Variants in IL7R observed in about 807,000 individuals in gnomAD.
IL7R encodes interleukin 7 receptor.
IL7R carries 38 observed loss-of-function variants against 47.0 expected under a neutral mutation model. The ratio of observed to expected loss-of-function variants is 0.81; its 90% CI spans 0.62 to 1.06. IL7R has a LOEUF of 1.06. Ranked by LOEUF, IL7R falls within the 50% of genes least tolerant of loss-of-function variation. The probability of loss-of-function intolerance (pLI) is 0.00; values close to 1 mark genes in which losing one functional copy is unlikely to be tolerated. For missense variants in IL7R, 633 were observed against 534.8 expected (o/e 1.18, Z -1.81); for synonymous variants, 221 against 199.8 (o/e 1.11, Z -0.89).
intron 4 of IL7R, among the ~76,000 whole-genome samples, chr5:35,872,676 C>A (rs1230217511): frequency 6.6e-6 from 1 of 151,842 alleles, no homozygotes; most frequent in Non-Finnish European, 1.5e-5. Flanking sequence ...AGCATCAAAG[C>A]TGTAGAAGAA....
At position 35,878,867 on chromosome 5, in the gene IL7R, T is replaced by C. The variant is rs983219321; in HGVS notation, c.*2381T>C. ...GACCATAGAAAAACATCGAGATATC[T>C]CCAGCTCTAAAATCCTTTGTTTCAA... On this transcript the variant is annotated 3_prime_UTR_variant, in exon 8 of 8. Transcript: ENST00000303115. 1 of 232,928 alleles carries C rather than the reference T, an allele frequency of 4.3e-6. No homozygotes were observed. Among genetic ancestry groups the C allele is most frequent in the African/African-American group, 2.2e-5 (1 of 45,332 alleles). 14.4% of individuals were successfully genotyped at this position (232,928 alleles called of 1,614,324 possible).
intron 2 of IL7R, among the ~76,000 whole-genome samples, chr5:35,863,405 G>A (rs1045479038): frequency 6.6e-6 from 1 of 152,066 alleles, no homozygotes; most frequent in Non-Finnish European, 1.5e-5. Context: ...CAGACAAACA[G>A]GTTCCTCTTT....
Position 35,877,404 on chromosome 5 carries a change from T to C in IL7R, c.*918T>C. The stretch of plus-strand genomic sequence containing the variant: ...AGAAAAAGCCATGAAGCCCATTTGG[T>C]TTCATTTTTCTGAAAATAGGCTCAA... On this transcript the variant is annotated 3_prime_UTR_variant, in exon 8 of 8. Coordinates refer to ENST00000303115, the MANE Select transcript of IL7R (RefSeq NM_002185.5). The C allele has an allele frequency of 4.3e-6, 1 of 233,174 alleles. No individual in the cohort carries two copies. The highest frequency in any genetic ancestry group is 8.5e-6 in the Non-Finnish European group (1 of 118,000). The allele number at this position is 233,174 out of a possible 1,614,324, so 14.4% of individuals were successfully genotyped here.
At chr5:35,863,560 G>A (rs1175527205) in intron 2 of IL7R, among the ~76,000 whole-genome samples, 1 of 152,110 alleles carries the variant, frequency 6.6e-6, no homozygotes, top group Non-Finnish European at 1.5e-5. Context: ...ACACTCCTTA[G>A]GATTTAAACA....
intron 2 of IL7R, among the ~76,000 whole-genome samples, chr5:35,861,923 C>A (rs923227629): frequency 2.0e-5 from 3 of 152,084 alleles, no homozygotes; most frequent in Admixed American, 6.6e-5. Context: ...TCAAGATCCA[C>A]CAGTAGTAAT....
intron 1 of IL7R, 80 bp from the exon 2 acceptor site, chr5:35,860,772 T>G (rs984437055): frequency 1.5e-5 from 20 of 1,357,490 alleles, no homozygotes; most frequent in Admixed American, 1.2e-4. Flanking sequence ...CAGAGTCTGC[T>G]ATTTTATTAA....
chr5:35,863,096 T>C (rs985465544), intron 2 of IL7R, among the ~76,000 whole-genome samples: 6 of 151,940 alleles, frequency 3.9e-5, no homozygotes, highest in African/African-American at 1.2e-4. Context: ...CCTAGTAACT[T>C]TGAGACACAC....
At chr5:35,865,668 G>A (rs1321689531) in intron 2 of IL7R, among the ~76,000 whole-genome samples, 1 of 152,014 alleles carries the variant, frequency 6.6e-6, no homozygotes, top group African/African-American at 2.4e-5. Context: ...GGTGTGAGAT[G>A]GTATGTCATT....
intron 2 of IL7R, among the ~76,000 whole-genome samples, chr5:35,862,883 C>T (rs11567714): frequency 0.077 from 11,784 of 152,158 alleles, 614 homozygotes; most frequent in Middle Eastern, 0.14. Flanking sequence ...ACCTAAAATT[C>T]AGAAATGGGA....
At chr5:35,874,303 G>C in intron 5 of IL7R, 146 bp from the exon 6 acceptor site, 1 of 728,142 alleles carries the variant, frequency 1.4e-6, no homozygotes. Context: ...CCTCCATAAA[G>C]CTGTCAAATA....
chr5:35,863,995 A>G (rs1195900155), intron 2 of IL7R, among the ~76,000 whole-genome samples: 1 of 152,178 alleles, frequency 6.6e-6, no homozygotes, highest in African/African-American at 2.4e-5. Context: ...GTAAAGATAT[A>G]GAACTTATTT....
At chr5:35,867,266 C>T (rs767291943) in intron 2 of IL7R, 40 bp from the exon 3 acceptor site, 5 of 1,587,440 alleles carry the variant, frequency 3.1e-6, no homozygotes, top group Non-Finnish European at 4.3e-6. Context: ...TACAGGAACT[C>T]CTACCTGAAT....
At position 35,876,480 on chromosome 5, in the gene IL7R, C is replaced by A. The variant is rs1760221435; in HGVS notation, c.1374C>A (p.Asn458Lys). 6 of 1,601,952 alleles carry A rather than the reference C, an allele frequency of 3.7e-6. No homozygotes were observed. The South Asian group carries it at 6.6e-5, about 18-fold the overall frequency. Residue 458 changes from asparagine (N) to lysine (K), a missense_variant, in exon 8 of 8, where the codon AAC becomes AAA. Transcript: ENST00000303115. ...AYVTMSSFYQ[N>K]Q Reference sequence around the variant, plus strand: ...TCACCATGTCCAGCTTCTACCAAAACCAGTGAAGTGTAAGAAACCCAGACT... The same window carrying A: ...TCACCATGTCCAGCTTCTACCAAAAACAGTGAAGTGTAAGAAACCCAGACT...
intron 2 of IL7R, among the ~76,000 whole-genome samples, chr5:35,864,697 C>A (rs1759896255): frequency 2.0e-5 from 3 of 152,104 alleles, no homozygotes; most frequent in Admixed American, 2.0e-4. Context: ...GTTCTTTATA[C>A]ATTCTGTATA....
At position 35,873,758 on chromosome 5, in the gene IL7R, T is replaced by C. The variant is rs561957515; in HGVS notation, c.706+110T>C. The C allele has an allele frequency of 2.0e-5, 19 of 958,450 alleles. No homozygotes were observed. The East Asian group carries it at 4.3e-4, about 22-fold the overall frequency. 59.4% of individuals were successfully genotyped at this position (958,450 alleles called of 1,614,324 possible). ...ACTAACCTGCAAAATAGGACACCCTTGGAGGGCACTCTTACACTTTCTTTG... is the reference window on the plus strand; with the variant it reads ...ACTAACCTGCAAAATAGGACACCCTCGGAGGGCACTCTTACACTTTCTTTG... On this transcript the variant is annotated intron_variant, in intron 5 of 7. Coordinates refer to ENST00000303115, the MANE Select transcript of IL7R (RefSeq NM_002185.5).
chr5:35,860,384 A>G (rs1759771021), intron 1 of IL7R, among the ~76,000 whole-genome samples: 1 of 152,200 alleles, frequency 6.6e-6, no homozygotes, highest in East Asian at 1.9e-4. Flanking sequence ...AAGACAAAAA[A>G]AATACTAGGG....
intron 2 of IL7R, among the ~76,000 whole-genome samples, chr5:35,866,373 A>AT (rs1759939713): frequency 6.6e-6 from 1 of 152,138 alleles, no homozygotes; most frequent in African/African-American, 2.4e-5. Flanking sequence ...TTTCTCTAAT[A>AT]TTTTGGCCAG....
chr5:35,856,933 A>G lies in IL7R; in HGVS notation c.-45A>G. 1.8e-6 allele frequency: 2 copies of G among 1,108,520 alleles called. No individual in the cohort carries two copies. The highest frequency in any genetic ancestry group is 2.8e-6 in the Non-Finnish European group (2 of 724,966). The allele number at this position is 1,108,520 out of a possible 1,614,324, so 68.7% of individuals were successfully genotyped here. On this transcript the variant is annotated 5_prime_UTR_variant, in exon 1 of 8. It adds an upstream start codon to the 5' untranslated region. Coordinates refer to ENST00000303115, the MANE Select transcript of IL7R (RefSeq NM_002185.5). ...TTCCTCTTACTCTCATTCATTTCAT[A>G]CACACTGGCTCACACATCTACTCTC...
chr5:35,869,435 T>C (rs1015343346), intron 3 of IL7R, among the ~76,000 whole-genome samples: 1 of 152,200 alleles, frequency 6.6e-6, no homozygotes, highest in African/African-American at 2.4e-5. Context: ...CGTTGTGATA[T>C]GTAACAAGGT....
Sources: gnomAD v4.1 joint callset for allele counts (sites outside exome capture counted in the v4.1 genomes callset) on GRCh38, gnomAD v4.1.1 for gene constraint, MANE v1.5 for transcripts, NCBI Gene and HGNC (gene_info 2026-07-23, HGNC 2026-07-21) for gene names.